Variants in NEDD4 observed in about 807,000 individuals in gnomAD.
NEDD4 encodes the protein NEDD4 E3 ubiquitin protein ligase.
In NEDD4, 99 loss-of-function variants were observed where a neutral mutation model predicts 144.9. The observed-to-expected ratio is 0.68, with a 90% CI of 0.58 to 0.81. The LOEUF (loss-of-function observed/expected upper bound fraction) is 0.81. NEDD4 is among the 30% of genes least tolerant of loss of function. The pLI, the probability that NEDD4 is intolerant of heterozygous loss-of-function variation, is 0.00. For synonymous variants in NEDD4, 318 were observed against 350.6 expected (o/e 0.91, Z 1.04); for missense variants, 985 against 1,065.9 (o/e 0.92, Z 1.06).
intron 8 of NEDD4, among the ~76,000 whole-genome samples, chr15:55,868,927 C>T (rs1342554687): frequency 6.6e-6 from 1 of 152,140 alleles, no homozygotes; most frequent in Non-Finnish European, 1.5e-5. Flanking sequence ...CAATGACTCA[C>T]ACAGGTCTGG....
chr15:55,911,771 G>A (rs1430895031), intron 5 of NEDD4, among the ~76,000 whole-genome samples: 4 of 151,988 alleles, frequency 2.6e-5, no homozygotes, highest in East Asian at 3.9e-4. Context: ...CTCGTGATCC[G>A]CCCGTCTCGG....
intron 2 of NEDD4, among the ~76,000 whole-genome samples, chr15:55,965,207 T>G (rs550891188): frequency 4.7e-4 from 72 of 152,320 alleles, no homozygotes; most frequent in Admixed American, 8.5e-4. Flanking sequence ...TTTTTGGTTG[T>G]TTGTTTTTTG....
chr15:55,857,797 G>A (rs2034254668), intron 11 of NEDD4, among the ~76,000 whole-genome samples: 1 of 151,858 alleles, frequency 6.6e-6, no homozygotes, highest in Non-Finnish European at 1.5e-5. Context: ...AAATTAGCAG[G>A]GGTACAATGG....
Position 55,830,686 on chromosome 15 carries a change from G to T in NEDD4, c.2528-100C>A, listed in dbSNP as rs1375060661. On this transcript the variant is annotated intron_variant, in intron 27 of 28. Coordinates refer to ENST00000435532, the MANE Select transcript of NEDD4 (RefSeq NM_006154.4). ...TACACTAGTTCCTACACACACACAG[G>T]GAACTAATCTGGTTTATTTATTTAT... is the stretch of plus-strand genomic sequence containing the variant. 3 of 864,890 alleles carry T rather than the reference G, an allele frequency of 3.5e-6. No homozygotes were observed. The African/African-American group carries it at 5.0e-5, about 15-fold the overall frequency. The allele number at this position is 864,890 out of a possible 1,614,324, so 53.6% of individuals were successfully genotyped here. A position where few individuals can be genotyped will look rare whatever the true frequency, so the allele number is the denominator to read the frequency against.
At chr15:55,957,122 T>G (rs1218870736) in intron 2 of NEDD4, among the ~76,000 whole-genome samples, 4 of 152,250 alleles carry the variant, frequency 2.6e-5, no homozygotes, top group Non-Finnish European at 5.9e-5. Context: ...TAACTGATTT[T>G]GGGTTATACA....
chr15:55,985,203 T>C (rs2036742), intron 1 of NEDD4, among the ~76,000 whole-genome samples: 23,617 of 152,252 alleles, frequency 0.16, 3,440 homozygotes, highest in East Asian at 0.44. Context: ...TATGAATTCC[T>C]AATTACCTAT....
chr15:55,838,704 A>G, intron 21 of NEDD4, 100 bp from the exon 22 acceptor site: 1 of 724,086 alleles, frequency 1.4e-6, no homozygotes, highest in Non-Finnish European at 2.3e-6. Context: ...GTAAAAGATG[A>G]GAGGTCAGAT....
At chr15:55,838,204 A>G in intron 22 of NEDD4, 24 bp from the exon 23 acceptor site, 1 of 1,499,868 alleles carries the variant, frequency 6.7e-7, no homozygotes, top group Non-Finnish European at 9.1e-7. Flanking sequence ...CAATAACTTG[A>G]TATGTTATTT....
chr15:55,933,288 C>T (rs2142255568), intron 4 of NEDD4, among the ~76,000 whole-genome samples: 1 of 152,126 alleles, frequency 6.6e-6, no homozygotes, highest in South Asian at 2.1e-4. Flanking sequence ...CCCAAATGTC[C>T]ATCAATGATA....
intron 1 of NEDD4, among the ~76,000 whole-genome samples, chr15:55,984,474 C>G (rs1177230134): frequency 1.3e-5 from 2 of 152,144 alleles, no homozygotes; most frequent in Non-Finnish European, 2.9e-5. Flanking sequence ...AGTGGGTATT[C>G]AGTTAAAGGC....
chr15:55,847,624 T>C (rs1270757666), intron 17 of NEDD4, among the ~76,000 whole-genome samples: 1 of 151,960 alleles, frequency 6.6e-6, no homozygotes, highest in African/African-American at 2.4e-5. Context: ...TATACTTAAG[T>C]GTGGATGTGT....
intron 4 of NEDD4, among the ~76,000 whole-genome samples, chr15:55,946,007 C>A (rs1304359447): frequency 6.6e-6 from 1 of 152,126 alleles, no homozygotes; most frequent in South Asian, 2.1e-4. Flanking sequence ...GAAGGAAGCA[C>A]TAAACATGGA....
intron 5 of NEDD4, among the ~76,000 whole-genome samples, chr15:55,907,394 T>C (rs1486032760): frequency 6.6e-6 from 1 of 152,198 alleles, no homozygotes; most frequent in Non-Finnish European, 1.5e-5. Flanking sequence ...CATATCTCAA[T>C]GTTTAGGTGT....
chr15:55,951,621 A>C, intron 2 of NEDD4, 32 bp from the exon 3 acceptor site: 1 of 1,417,640 alleles, frequency 7.1e-7, no homozygotes, highest in Non-Finnish European at 9.3e-7. Context: ...AGAAAGAAAA[A>C]TTTTAATTAT....
intron 21 of NEDD4, among the ~76,000 whole-genome samples, chr15:55,840,005 T>A (rs1347983000): frequency 0.1 from 1,636 of 15,700 alleles, 38 homozygotes; most frequent in Non-Finnish European, 0.11. Flanking sequence ...AAAAAATATA[T>A]ATATATATAT....
At chr15:55,969,665 G>A (rs1195721216) in intron 1 of NEDD4, among the ~76,000 whole-genome samples, 1 of 152,092 alleles carries the variant, frequency 6.6e-6, no homozygotes, top group Non-Finnish European at 1.5e-5. Context: ...TGGGCCAGAG[G>A]GGAACCTGCC....
intron 14 of NEDD4, among the ~76,000 whole-genome samples, chr15:55,849,934 A>G (rs2142005433): frequency 6.6e-6 from 1 of 151,962 alleles, no homozygotes; most frequent in Admixed American, 6.6e-5. Context: ...CTGGGACTAC[A>G]GGCACCCGCC....
At chr15:55,892,316 ATAAATAAT>A (rs1176906201) in intron 5 of NEDD4, among the ~76,000 whole-genome samples, 4 of 134,466 alleles carry the variant, frequency 3.0e-5, no homozygotes, top group Non-Finnish European at 6.5e-5. Flanking sequence ...AAATAAATAA[ATAAATAAT>A]AAATATGAAT....
At chr15:55,936,255 G>A (rs2036887283) in intron 4 of NEDD4, among the ~76,000 whole-genome samples, 1 of 152,022 alleles carries the variant, frequency 6.6e-6, no homozygotes, top group Non-Finnish European at 1.5e-5. Flanking sequence ...TGAGTTACCT[G>A]TTCACACTGG....
Sources: gnomAD v4.1 joint callset for allele counts (sites outside exome capture counted in the v4.1 genomes callset) on GRCh38, gnomAD v4.1.1 for gene constraint, MANE v1.5 for transcripts, NCBI Gene and HGNC (gene_info 2026-07-23, HGNC 2026-07-21) for gene names.